Variants in KCNN2 observed in about 807,000 individuals in gnomAD.
KCNN2 encodes potassium calcium-activated channel subfamily N member 2.
In KCNN2, 24 loss-of-function variants were observed where a neutral mutation model predicts 55.5. The ratio of observed to expected loss-of-function variants is 0.43; its 90% confidence interval spans 0.31 to 0.61. The LOEUF is 0.61. Among genes scored for constraint, KCNN2 ranks in the 20% least tolerant of loss-of-function variants. The pLI, the probability that KCNN2 is intolerant of heterozygous loss-of-function variation, is 0.08. For synonymous variants in KCNN2, 431 were observed against 336.1 expected, an observed-to-expected ratio of 1.28 and a Z score of -3.09; for missense variants, 754 against 853.6, an observed-to-expected ratio of 0.88 and a Z score of 1.45.
chr5:114,143,913 A>G (rs1304647726), intron 1 of KCNN2, among the ~76,000 whole-genome samples: 10 of 152,212 alleles, frequency 6.6e-5, no homozygotes, highest in African/African-American at 2.4e-5. Flanking sequence ...TATTTTTTCT[A>G]GTTTTACACA....
At chr5:114,371,361 G>A (rs1321056797) in intron 2 of KCNN2, among the ~76,000 whole-genome samples, 1 of 152,030 alleles carries the variant, frequency 6.6e-6, no homozygotes, top group Non-Finnish European at 1.5e-5. Context: ...AAAATGAGAA[G>A]GTTGAGAGTT....
intron 2 of KCNN2, among the ~76,000 whole-genome samples, chr5:114,253,170 C>T (rs12523408): frequency 0.38 from 53,631 of 142,886 alleles, 10,274 homozygotes; most frequent in East Asian, 0.72. Context: ...AACCTGGTGA[C>T]GGTCTTTCCA....
intron 1 of KCNN2, among the ~76,000 whole-genome samples, chr5:114,217,866 T>C (rs955991555): frequency 6.6e-6 from 1 of 152,138 alleles, no homozygotes; most frequent in African/African-American, 2.4e-5. Flanking sequence ...TAAAGGCCTG[T>C]TATCCAAAAC....
chr5:114,263,921 C>CT (rs1383341979), intron 2 of KCNN2, among the ~76,000 whole-genome samples: 1 of 152,154 alleles, frequency 6.6e-6, no homozygotes, highest in Non-Finnish European at 1.5e-5. Flanking sequence ...TTAAGACACC[C>CT]TTATTCATCC....
intron 3 of KCNN2, among the ~76,000 whole-genome samples, chr5:114,414,540 T>G (rs1377647298): frequency 2.0e-5 from 3 of 152,182 alleles, no homozygotes; most frequent in South Asian, 4.1e-4. Context: ...TGTCCCACCC[T>G]GATAGTTCCA....
chr5:114,409,767 A>G (rs1164684529), intron 3 of KCNN2, among the ~76,000 whole-genome samples: 1 of 152,156 alleles, frequency 6.6e-6, no homozygotes, highest in African/African-American at 2.4e-5. Context: ...GTTCTGTATT[A>G]ATGGGGAGAG....
intron 2 of KCNN2, among the ~76,000 whole-genome samples, chr5:114,245,513 A>G (rs1293231967): frequency 6.6e-6 from 1 of 152,184 alleles, no homozygotes; most frequent in Non-Finnish European, 1.5e-5. Flanking sequence ...ATCTATATCA[A>G]AAGTAAAGTT....
chr5:114,101,597 CT>C (rs1751374435), intron 1 of KCNN2, among the ~76,000 whole-genome samples: 1 of 151,910 alleles, frequency 6.6e-6, no homozygotes, highest in South Asian at 2.1e-4. Context: ...CCCCCACCCC[CT>C]AACAGGTCCC....
chr5:114,157,780 G>GT lies in KCNN2; in HGVS notation c.-270-63694dup, dbSNP rs1369457402. On this transcript the variant is annotated intron_variant, in intron 1 of 10. Transcript: ENST00000512097. ...AGTGATGATGAGCATTTTTTCATGT[G>GT]TTTTTTGGCTGCATAAATGTCTTCT... Among the ~76,000 whole-genome samples the GT allele has an allele frequency of 5.1e-3, 766 of 151,682 alleles. 9 individuals are homozygous for GT. The highest frequency in any genetic ancestry group is 0.018 in the African/African-American group (731 of 41,368).
At chr5:114,214,865 A>G (rs190814976) in intron 1 of KCNN2, among the ~76,000 whole-genome samples, 2 of 152,260 alleles carry the variant, frequency 1.3e-5, no homozygotes, top group East Asian at 3.9e-4. Context: ...GTTAATCGAA[A>G]AGAGTAATTT....
At position 114,240,117 on chromosome 5, in the gene KCNN2, T is replaced by C. The variant is rs571689898; in HGVS notation, c.-185+18552T>C. The stretch of plus-strand genomic sequence containing the variant: ...TCAAGTATGAATATAGATATTAAAA[T>C]TAAATAAAATGTTGGCTAATCCATG... On this transcript the variant is annotated intron_variant, in intron 2 of 10. Transcript: ENST00000512097. 2.6e-5 allele frequency among the ~76,000 whole-genome samples: 4 copies of C among 152,234 alleles called. No individual in the cohort carries two copies. In the South Asian group the frequency reaches 8.3e-4, roughly 32 times the overall value.
chr5:114,240,627 C>T (rs1002151765), intron 2 of KCNN2, among the ~76,000 whole-genome samples: 26 of 152,044 alleles, frequency 1.7e-4, no homozygotes, highest in African/African-American at 4.3e-4. Flanking sequence ...AGACGGGTTT[C>T]GCCATGTTGC....
chr5:114,362,851 G>C lies in KCNN2; in HGVS notation c.712G>C (p.Glu238Gln), dbSNP rs747818030. 1 of 1,600,032 alleles carries C rather than the reference G, an allele frequency of 6.2e-7. No homozygotes were observed. The highest frequency in any genetic ancestry group is 2.2e-5 in the East Asian group (1 of 44,744). The change falls in exon 1 of 8, where the codon GAG (glutamate) becomes CAG (glutamine). Residue 238 changes from glutamate to glutamine, a missense_variant. Physicochemically the swap from Glu to Gln is conservative, Grantham distance 29 (BLOSUM62 2). Around this residue, in one of 4 missense-constraint regions of KCNN2, gnomAD observed 381 missense variants for 259.1 expected, o/e 1.47. Coordinates refer to ENST00000673685, the MANE Select transcript of KCNN2 (RefSeq NM_021614.4). Reference sequence around the variant, plus strand: ...GAGCGCGTCCCGCCGGAACCTGCACGAGATGGACTCAGAGGCGCAGCCCCT... The same window carrying C: ...GAGCGCGTCCCGCCGGAACCTGCACCAGATGGACTCAGAGGCGCAGCCCCT... The part of the protein sequence containing the change: ...NLSASRRNLH[E>Q]MDSEAQPLQP...
At chr5:114,361,595 C>A (rs1056209451), upstream of KCNN2, among the ~76,000 whole-genome samples, 10 of 152,096 alleles carry the variant, frequency 6.6e-5, no homozygotes, top group Admixed American at 3.3e-4. Flanking sequence ...TGCAGCCCTG[C>A]GAGGCGTGCA....
chr5:114,108,719 T>G (rs186160524), intron 1 of KCNN2, among the ~76,000 whole-genome samples: 100 of 152,224 alleles, frequency 6.6e-4, no homozygotes, highest in African/African-American at 2.1e-3. Context: ...TTCTTATTGT[T>G]GAGTAATATG....
At chr5:114,384,464 A>G (rs1307204156) in intron 2 of KCNN2, among the ~76,000 whole-genome samples, 1 of 152,228 alleles carries the variant, frequency 6.6e-6, no homozygotes, top group African/African-American at 2.4e-5. Context: ...AAGAATGCTG[A>G]TGACTGTAAT....
intron 1 of KCNN2, among the ~76,000 whole-genome samples, chr5:114,115,885 T>C (rs1751699434): frequency 6.6e-6 from 1 of 152,090 alleles, no homozygotes; most frequent in African/African-American, 2.4e-5. Flanking sequence ...CATACATATA[T>C]GTTGGCAGGA....
rs1449189529 is a variant in KCNN2 at position 114,473,037 on chromosome 5, T to C, written c.1780-17T>C. 4 of 1,539,252 alleles carry C rather than the reference T, an allele frequency of 2.6e-6. No individual in the cohort carries two copies. The highest frequency in any genetic ancestry group is 3.6e-6 in the Non-Finnish European group (4 of 1,120,566). On this transcript the variant is annotated splice_polypyrimidine_tract_variant and intron_variant, in intron 4 of 7. Coordinates refer to ENST00000673685, the MANE Select transcript of KCNN2 (RefSeq NM_021614.4). ...AGTTAGTAATGCTTTGGGTTTCTCT[T>C]CTCTCCTTGTTTTCAGGGTGCTGGT... is the stretch of plus-strand genomic sequence containing the variant.
rs1199401640 is a variant in KCNN2, at chr5:114,123,565, G to A, written c.-271+67065G>A. Among the ~76,000 whole-genome samples, 2 of 80,210 alleles carry A rather than the reference G, an allele frequency of 2.5e-5. 1 individual carries two copies. The highest frequency in any genetic ancestry group is 6.1e-4 in the South Asian group (2 of 3,256). The allele number at this position is 80,210 out of a possible 152,430, so 52.6% of individuals were successfully genotyped here. A position where few individuals can be genotyped will look rare whatever the true frequency, so the allele number is the denominator to read the frequency against. ...TTTTTAGTAGAGACGGGGTTTCACTGTGTTAGCCAGAATGGTCTCGATCTC... is the reference window on the plus strand; with the variant it reads ...TTTTTAGTAGAGACGGGGTTTCACTATGTTAGCCAGAATGGTCTCGATCTC... On this transcript the variant is annotated intron_variant, in intron 1 of 10. Coordinates refer to the KCNN2 transcript ENST00000512097.
Sources: allele counts gnomAD v4.1 joint callset (sites outside exome capture counted in the v4.1 genomes callset), GRCh38; gene constraint gnomAD v4.1.1; regional missense constraint gnomAD v4.1.1; transcripts MANE v1.5; gene names NCBI Gene and HGNC (gene_info 2026-07-23, HGNC 2026-07-21).